The following CNTNAP5 variants were observed in gnomAD, a reference collection of about 807,000 sequenced individuals.
CNTNAP5 encodes the protein contactin-associated protein-like 5.
CNTNAP5 carries 72 observed loss-of-function variants against 150.2 expected under a neutral mutation model. That is an observed-to-expected ratio of 0.48 (90% CI 0.40 to 0.58). The LOEUF is 0.58. Ranked by LOEUF, CNTNAP5 falls within the 20% of genes least tolerant of loss-of-function variation. The pLI is 0.00. For missense variants in CNTNAP5, 1,636 were observed against 1,626.2 expected (o/e 1.01, Z -0.10); for synonymous variants, 672 against 619.8 (o/e 1.08, Z -1.25).
At chr2:124,261,317 C>G (rs946800415) in intron 3 of CNTNAP5, among the ~76,000 whole-genome samples, 5 of 152,104 alleles carry the variant, frequency 3.3e-5, no homozygotes, top group Non-Finnish European at 7.4e-5. Context: ...AAACTCCCAA[C>G]AATCTTCCCT....
chr2:124,755,500 C>T (rs935689180), intron 14 of CNTNAP5, among the ~76,000 whole-genome samples: 2 of 152,172 alleles, frequency 1.3e-5, no homozygotes, highest in Admixed American at 1.3e-4. Flanking sequence ...TTTACTGGAA[C>T]TCTTGGCCAA....
At chr2:124,742,897 A>G (rs1230655573) in intron 13 of CNTNAP5, among the ~76,000 whole-genome samples, 2 of 152,024 alleles carry the variant, frequency 1.3e-5, no homozygotes. Flanking sequence ...TGTTTTGTGG[A>G]AGTCCTTGCG....
At chr2:124,771,800 C>A (rs1032056104) in intron 16 of CNTNAP5, among the ~76,000 whole-genome samples, 1 of 151,568 alleles carries the variant, frequency 6.6e-6, no homozygotes, top group Non-Finnish European at 1.5e-5. Context: ...GTCACCATTA[C>A]CATCACCATC....
intron 12 of CNTNAP5, among the ~76,000 whole-genome samples, chr2:124,621,972 T>G (rs1394251023): frequency 2.0e-5 from 3 of 152,162 alleles, no homozygotes; most frequent in African/African-American, 4.8e-5. Flanking sequence ...CAACTTTTAT[T>G]TTAAGTTCAG....
chr2:124,781,693 T>G (rs1681456277), intron 17 of CNTNAP5, among the ~76,000 whole-genome samples: 1 of 152,166 alleles, frequency 6.6e-6, no homozygotes, highest in Non-Finnish European at 1.5e-5. Flanking sequence ...TACACTGCAC[T>G]GGAGCCCTGC....
At chr2:124,857,134 G>T (rs540880513) in intron 19 of CNTNAP5, among the ~76,000 whole-genome samples, 19 of 152,120 alleles carry the variant, frequency 1.2e-4, no homozygotes, top group Admixed American at 3.9e-4. Flanking sequence ...TGGAGATGGG[G>T]TGACGAGGAA....
At chr2:124,242,471 A>T in intron 3 of CNTNAP5, 78 bp downstream of exon 3, 1 of 1,362,978 alleles carries the variant, frequency 7.3e-7, no homozygotes, top group Non-Finnish European at 1.0e-6. Context: ...GTCATTTTCC[A>T]ATATCCAGAT....
At chr2:124,442,458 A>G (rs1014708313) in intron 5 of CNTNAP5, among the ~76,000 whole-genome samples, 2 of 152,228 alleles carry the variant, frequency 1.3e-5, no homozygotes, top group Non-Finnish European at 2.9e-5. Context: ...TTCACTAAAT[A>G]AGGCCACTCA....
chr2:124,329,695 C>T (rs1009472662), intron 3 of CNTNAP5, among the ~76,000 whole-genome samples: 5 of 152,194 alleles, frequency 3.3e-5, no homozygotes, highest in Non-Finnish European at 4.4e-5. Flanking sequence ...CTCCTATCTC[C>T]GGGTATTTGT....
chr2:124,055,950 C>T (rs1209465362), intron 1 of CNTNAP5, among the ~76,000 whole-genome samples: 1 of 151,938 alleles, frequency 6.6e-6, no homozygotes, highest in East Asian at 1.9e-4. Context: ...TTTTGACTCC[C>T]TCTGTGACTG....
chr2:124,088,217 G>A (rs1682738121), intron 1 of CNTNAP5, among the ~76,000 whole-genome samples: 1 of 151,952 alleles, frequency 6.6e-6, no homozygotes, highest in Non-Finnish European at 1.5e-5. Flanking sequence ...CTGCTATTAA[G>A]ACTATCAAGC....
chr2:124,162,446 G>A (rs1684704315), intron 1 of CNTNAP5, among the ~76,000 whole-genome samples: 2 of 152,168 alleles, frequency 1.3e-5, no homozygotes, highest in African/African-American at 4.8e-5. Flanking sequence ...AGGTGGCAGA[G>A]CTGGACTTTA....
chr2:124,821,429 C>T (rs997118650), intron 19 of CNTNAP5, among the ~76,000 whole-genome samples: 1 of 152,166 alleles, frequency 6.6e-6, no homozygotes, highest in African/African-American at 2.4e-5. Context: ...CTGGAACTCA[C>T]TTTCAGAATT....
intron 14 of CNTNAP5, among the ~76,000 whole-genome samples, chr2:124,760,155 G>C (rs58804790): frequency 1.0e-3 from 156 of 151,812 alleles, no homozygotes; most frequent in African/African-American, 3.4e-3. Context: ...TCAGGAGAAG[G>C]GGGTGTGGGG....
intron 3 of CNTNAP5, among the ~76,000 whole-genome samples, chr2:124,384,527 G>A (rs1690882398): frequency 6.6e-6 from 1 of 152,082 alleles, no homozygotes; most frequent in Admixed American, 6.6e-5. Context: ...CTTTAGATAT[G>A]CTCCATTTTA....
chr2:124,428,210 C>T (rs1278878900), intron 4 of CNTNAP5, among the ~76,000 whole-genome samples: 1 of 152,150 alleles, frequency 6.6e-6, no homozygotes, highest in African/African-American at 2.4e-5. Flanking sequence ...AGCCTGACTG[C>T]CTCTTATGTC....
At chr2:124,229,699 T>C (rs903828889) in intron 2 of CNTNAP5, among the ~76,000 whole-genome samples, 1 of 152,016 alleles carries the variant, frequency 6.6e-6, no homozygotes, top group East Asian at 1.9e-4. Flanking sequence ...TAGAGTCAGC[T>C]GGGCTTCAGA....
intron 18 of CNTNAP5, among the ~76,000 whole-genome samples, chr2:124,792,772 C>A (rs375195508): frequency 6.6e-6 from 1 of 152,112 alleles, no homozygotes; most frequent in African/African-American, 2.4e-5. Flanking sequence ...TAAATAGAAC[C>A]ATATAGTATG....
chr2:124,653,507 A>G (rs922440930), intron 13 of CNTNAP5, among the ~76,000 whole-genome samples: 37 of 152,172 alleles, frequency 2.4e-4, no homozygotes, highest in Non-Finnish European at 4.6e-4. Flanking sequence ...ATAATGCTAT[A>G]TACATTCATC....
Sources: allele counts gnomAD v4.1 joint callset (sites outside exome capture counted in the v4.1 genomes callset), GRCh38; gene constraint gnomAD v4.1.1; transcripts MANE v1.5; gene names NCBI Gene and HGNC (gene_info 2026-07-23, HGNC 2026-07-21).